The following RAB22A variants were observed in gnomAD, a reference collection of about 807,000 sequenced individuals.
RAB22A encodes ras-related protein Rab-22A.
A neutral mutation model predicts 30.2 loss-of-function variants in RAB22A; 13 were observed. The observed-to-expected ratio is 0.43, with a 90% CI of 0.28 to 0.68. The LOEUF (loss-of-function observed/expected upper bound fraction) is 0.68. RAB22A is among the 30% of genes least tolerant of loss of function. The pLI is 0.18. For synonymous variants in RAB22A, 89 were observed against 87.2 expected (o/e 1.02, Z -0.11); for missense variants, 177 against 246.8 (o/e 0.72, Z 1.89).
intron 2 of RAB22A, among the ~76,000 whole-genome samples, chr20:58,318,208 T>G (rs1443142571): frequency 6.6e-6 from 1 of 152,238 alleles, no homozygotes; most frequent in East Asian, 1.9e-4. Flanking sequence ...ATTTTAAAAT[T>G]ATTTGTATCA....
At chr20:58,353,163 G>C in intron 3 of RAB22A, 110 bp from the exon 4 acceptor site, 1 of 1,032,546 alleles carries the variant, frequency 9.7e-7, no homozygotes, top group African/African-American at 1.6e-5. Context: ...CATTTTCTTG[G>C]CTTAAGAGAA....
Position 58,361,780 on chromosome 20 carries a change from G to C in RAB22A, c.*2077G>C, listed in dbSNP as rs1190816209. On this transcript the variant is annotated 3_prime_UTR_variant, in exon 7 of 7. Transcript: ENST00000244040. ...TTTCTGTCTTATTTTACCAAAAGATGGTGCAAATCTATGACCTTCACATTT... is the reference window on the plus strand; with the variant it reads ...TTTCTGTCTTATTTTACCAAAAGATCGTGCAAATCTATGACCTTCACATTT... 5 of 151,794 alleles carry C rather than the reference G, an allele frequency of 3.3e-5. No individual in the cohort carries two copies. The highest frequency in any genetic ancestry group is 1.2e-4 in the African/African-American group (5 of 41,296). The allele number at this position is 151,794 out of a possible 1,614,324, so 9.4% of individuals were successfully genotyped here.
At chr20:58,326,787 C>A (rs1250860405) in intron 2 of RAB22A, among the ~76,000 whole-genome samples, 1 of 152,310 alleles carries the variant, frequency 6.6e-6, no homozygotes, top group South Asian at 2.1e-4. Context: ...AAAATAAAGG[C>A]TGACTTCTTC....
intron 2 of RAB22A, among the ~76,000 whole-genome samples, chr20:58,313,878 T>A (rs1476209163): frequency 6.6e-6 from 1 of 152,122 alleles, no homozygotes; most frequent in Non-Finnish European, 1.5e-5. Context: ...ATGACCAACT[T>A]GAATAGTTGC....
intron 3 of RAB22A, among the ~76,000 whole-genome samples, chr20:58,352,003 CAAAAG>C (rs1987058685): frequency 6.6e-6 from 1 of 151,924 alleles, no homozygotes; most frequent in Admixed American, 6.5e-5. Flanking sequence ...AAATAATAAA[CAAAAG>C]AGACCCATGT....
At chr20:58,344,057 G>A (rs1986903449) in intron 3 of RAB22A, among the ~76,000 whole-genome samples, 1 of 152,164 alleles carries the variant, frequency 6.6e-6, no homozygotes, top group Non-Finnish European at 1.5e-5. Context: ...TGACCAACAG[G>A]CCTGATAAAA....
At chr20:58,343,916 A>G in intron 3 of RAB22A, 117 bp downstream of exon 3, 3 of 820,200 alleles carry the variant, frequency 3.7e-6, no homozygotes, top group Non-Finnish European at 5.9e-6. Flanking sequence ...CCGGAGACAC[A>G]TTTATTTCCA....
At chr20:58,353,638 A>G (rs542509497) in intron 5 of RAB22A, 100 bp downstream of exon 5, 43 of 1,057,226 alleles carry the variant, frequency 4.1e-5, no homozygotes, top group Non-Finnish European at 5.8e-5. Context: ...TATCTCTGAC[A>G]TTGAAAAATT....
intron 3 of RAB22A, among the ~76,000 whole-genome samples, chr20:58,346,821 A>T (rs757081056): frequency 2.0e-5 from 3 of 152,168 alleles, no homozygotes; most frequent in Non-Finnish European, 4.4e-5. Context: ...AACTCTTTGG[A>T]GTATTCCTTT....
At chr20:58,325,462 G>A (rs966409526) in intron 2 of RAB22A, among the ~76,000 whole-genome samples, 11 of 152,248 alleles carry the variant, frequency 7.2e-5, no homozygotes, top group African/African-American at 2.6e-4. Context: ...GGGTGAGAGA[G>A]TGAGACTCCG....
At chr20:58,327,951 T>C (rs986751727) in intron 2 of RAB22A, among the ~76,000 whole-genome samples, 22 of 152,188 alleles carry the variant, frequency 1.4e-4, no homozygotes, top group African/African-American at 5.3e-4. Context: ...CTAGATGTTT[T>C]GCCAAAGGGA....
chr20:58,332,717 A>G (rs1986683332), intron 2 of RAB22A, among the ~76,000 whole-genome samples: 1 of 152,032 alleles, frequency 6.6e-6, no homozygotes, highest in African/African-American at 2.4e-5. Flanking sequence ...GCTTTCCACA[A>G]TTGATGGAAG....
intron 3 of RAB22A, 106 bp from the exon 4 acceptor site, chr20:58,353,167 A>T: frequency 9.3e-7 from 1 of 1,073,282 alleles, no homozygotes; most frequent in African/African-American, 1.6e-5. Flanking sequence ...TTCTTGGCTT[A>T]AGAGAAAGAT....
chr20:58,320,331 C>T (rs1232713443), intron 2 of RAB22A, among the ~76,000 whole-genome samples: 1 of 152,064 alleles, frequency 6.6e-6, no homozygotes, highest in Non-Finnish European at 1.5e-5. Context: ...GTAGTTGTGT[C>T]CTTCAAGGAA....
chr20:58,313,952 T>G (rs1986282969), intron 2 of RAB22A, among the ~76,000 whole-genome samples: 1 of 152,220 alleles, frequency 6.6e-6, no homozygotes, highest in Non-Finnish European at 1.5e-5. Flanking sequence ...CAGAGCAAGT[T>G]TGCTGACCCC....
chr20:58,326,510 T>C (rs541586411), intron 2 of RAB22A, among the ~76,000 whole-genome samples: 1 of 152,098 alleles, frequency 6.6e-6, no homozygotes, highest in Non-Finnish European at 1.5e-5. Flanking sequence ...TTGTTTTTTA[T>C]TAAACTGAGG....
rs1987267919 is a variant in RAB22A, at chr20:58,363,700, A to T, written c.*3997A>T. 1 of 152,244 alleles carries T rather than the reference A, an allele frequency of 6.6e-6. No individual in the cohort carries two copies. Among genetic ancestry groups the T allele is most frequent in the Non-Finnish European group, 1.5e-5 (1 of 68,044 alleles). The allele number at this position is 152,244 out of a possible 1,614,324, so 9.4% of individuals were successfully genotyped here. On this transcript the variant is annotated 3_prime_UTR_variant, in exon 7 of 7. Coordinates refer to ENST00000244040, the MANE Select transcript of RAB22A (RefSeq NM_020673.3). ...TTAACAGTTAATATTTTTTAAAGGAAGAAATGGAATGTACCTTCAGGGGTC... is the reference window on the plus strand; with the variant it reads ...TTAACAGTTAATATTTTTTAAAGGATGAAATGGAATGTACCTTCAGGGGTC...
At chr20:58,358,444 A>G (rs908266579) in intron 6 of RAB22A, among the ~76,000 whole-genome samples, 4 of 152,248 alleles carry the variant, frequency 2.6e-5, no homozygotes, top group Non-Finnish European at 5.9e-5. Context: ...CACTCCGGGC[A>G]TTAATCCTAC....
chr20:58,355,494 C>T (rs910178549), intron 6 of RAB22A, among the ~76,000 whole-genome samples: 7 of 152,300 alleles, frequency 4.6e-5, no homozygotes, highest in Middle Eastern at 3.4e-3. Flanking sequence ...TGATTGCACC[C>T]TCTAGGCCAG....
Sources: gnomAD v4.1 joint callset for allele counts (sites outside exome capture counted in the v4.1 genomes callset) on GRCh38, gnomAD v4.1.1 for gene constraint, MANE v1.5 for transcripts, NCBI Gene and HGNC (gene_info 2026-07-23, HGNC 2026-07-21) for gene names.